Variants in CPA5 observed in about 807,000 individuals in gnomAD.
The protein encoded by CPA5 is testicular tissue protein Li 32.
CPA5 carries 38 observed loss-of-function variants against 52.2 expected under a neutral mutation model. The ratio of observed to expected loss-of-function variants is 0.73; its 90% CI spans 0.56 to 0.95. The LOEUF (loss-of-function observed/expected upper bound fraction) is 0.95. Ranked by LOEUF, CPA5 falls within the 40% of genes least tolerant of loss-of-function variation. The pLI, the probability that CPA5 is intolerant of heterozygous loss-of-function variation, is 0.00. For missense variants in CPA5, 519 were observed against 566.7 expected, an observed-to-expected ratio of 0.92 and a Z score of 0.86; for synonymous variants, 198 against 213.7, an observed-to-expected ratio of 0.93 and a Z score of 0.64.
chr7:130,366,545 C>T (rs1796097452), intron 10 of CPA5, among the ~76,000 whole-genome samples: 1 of 152,202 alleles, frequency 6.6e-6, no homozygotes, highest in South Asian at 2.1e-4. Context: ...AAGCCCTGCT[C>T]CTCTTTGTTC....
downstream of CPA5, among the ~76,000 whole-genome samples, chr7:130,372,780 G>T (rs1554410066): frequency 6.6e-6 from 1 of 152,202 alleles, no homozygotes; most frequent in African/African-American, 2.4e-5. Context: ...AGGGAAGAAC[G>T]GATATTTGGA....
At chr7:130,355,445 C>T (rs558936043) in intron 5 of CPA5, among the ~76,000 whole-genome samples, 9 of 152,168 alleles carry the variant, frequency 5.9e-5, no homozygotes, top group Admixed American at 3.9e-4. Flanking sequence ...CTTGCTCTGT[C>T]GCCCAGGCTG....
intron 5 of CPA5, among the ~76,000 whole-genome samples, chr7:130,354,498 A>T (rs887309674): frequency 1.3e-5 from 2 of 151,994 alleles, no homozygotes; most frequent in South Asian, 4.2e-4. Flanking sequence ...GGCTCAAGCA[A>T]TTCTCATGCC....
In CPA5 at chr7:130,368,010, C is replaced by T; in HGVS notation, c.1123+20C>T. 3 of 1,607,908 alleles carry T rather than the reference C, an allele frequency of 1.9e-6. No individual in the cohort carries two copies. The highest frequency in any genetic ancestry group is 2.2e-5 in the South Asian group (2 of 90,974). ...CCCTCTGTGAGTGAGCCTCCCCTGG[C>T]CCTGCTTCAGACACCACATCTACCT... On this transcript the variant is annotated intron_variant, in intron 12 of 12. Coordinates refer to ENST00000474905, the MANE Select transcript of CPA5 (RefSeq NM_080385.5).
chr7:130,362,228 T>C (rs888117518), intron 7 of CPA5, among the ~76,000 whole-genome samples: 2 of 152,198 alleles, frequency 1.3e-5, no homozygotes. Flanking sequence ...TGGATCACTT[T>C]GCTCGCCAAT....
At chr7:130,362,326 C>T (rs769081135) in intron 7 of CPA5, 112 bp from the exon 8 acceptor site, 7 of 678,652 alleles carry the variant, frequency 1.0e-5, no homozygotes, top group Non-Finnish European at 1.8e-5. Flanking sequence ...TTACCCAGTG[C>T]TTAAAGCTGC....
intron 10 of CPA5, among the ~76,000 whole-genome samples, 174 bp from the exon 11 acceptor site, chr7:130,367,198 C>T (rs572507392): frequency 6.6e-6 from 1 of 152,208 alleles, no homozygotes; most frequent in East Asian, 1.9e-4. Flanking sequence ...CAATCTCAAC[C>T]CAGAAGTGCC....
At position 130,362,508 on chromosome 7, in the gene CPA5, C is replaced by T. The variant is rs1554406998; in HGVS notation, c.605C>T (p.Thr202Ile). 2 of 1,613,586 alleles carry T rather than the reference C, an allele frequency of 1.2e-6. No homozygotes were observed. Among genetic ancestry groups the T allele is most frequent in the Non-Finnish European group, 8.5e-7 (1 of 1,179,584 alleles). ...DTGIHSREWI[T>I]HATGIWTANK... ...GGAATTCACTCCCGGGAGTGGATCA[C>T]CCATGCCACCGGCATCTGGACTGCC... Residue 202 changes from threonine to isoleucine, a missense_variant, in exon 8 of 13, where the codon ACC becomes ATC. Coordinates refer to ENST00000474905, the MANE Select transcript of CPA5 (RefSeq NM_080385.5).
chr7:130,361,799 G>A (rs1554406719), intron 7 of CPA5, among the ~76,000 whole-genome samples: 1 of 152,196 alleles, frequency 6.6e-6, no homozygotes, highest in East Asian at 1.9e-4. Context: ...TTCTTAGTTT[G>A]CGCCCAAAAG....
At chr7:130,352,351 C>T (rs577769309) in intron 5 of CPA5, among the ~76,000 whole-genome samples, 2 of 146,040 alleles carry the variant, frequency 1.4e-5, no homozygotes, top group South Asian at 2.2e-4. Context: ...TGGAGGGTCG[C>T]GGGGGCCGGG....
At chr7:130,368,318 A>G (rs2302823) in intron 12 of CPA5, 92 bp from the exon 13 acceptor site, 427,490 of 1,317,554 alleles carry the variant, frequency 0.32, 71,180 homozygotes, top group Admixed American at 0.49. Flanking sequence ...TTTGGCTCCC[A>G]GGGCTCACTT....
chr7:130,359,684 G>C lies in CPA5; in HGVS notation c.429G>C (p.Glu143Asp). The C allele has an allele frequency of 6.3e-7, 1 of 1,580,416 alleles. No individual in the cohort carries two copies. Among genetic ancestry groups the C allele is most frequent in the Non-Finnish European group, 8.6e-7 (1 of 1,162,766 alleles). ...SFSYSSYHTL[E>D]EIYSWIDNFV... ...GTTACTCATCATACCACACCCTGGA[G>C]GAGGTAGGTCTGGCCGGGCAAGCTC... Residue 143 changes from glutamate to aspartate, a missense_variant, in exon 6 of 13, where the codon GAG becomes GAC. Coordinates refer to ENST00000474905, the MANE Select transcript of CPA5 (RefSeq NM_080385.5).
At chr7:130,360,717 C>T (rs1795745713) in intron 6 of CPA5, among the ~76,000 whole-genome samples, 1 of 152,204 alleles carries the variant, frequency 6.6e-6, no homozygotes, top group Non-Finnish European at 1.5e-5. Flanking sequence ...ACCCTGCCTT[C>T]AAGGGGCTTA....
chr7:130,362,380 C>A, intron 7 of CPA5, 58 bp from the exon 8 acceptor site: 1 of 1,306,376 alleles, frequency 7.7e-7, no homozygotes, highest in Non-Finnish European at 1.1e-6. Context: ...CCAGGTAGCC[C>A]AGAGACAGTA....
chr7:130,363,847 CTTG>C (rs1332422815), intron 10 of CPA5, among the ~76,000 whole-genome samples: 1 of 152,140 alleles, frequency 6.6e-6, no homozygotes, highest in African/African-American at 2.4e-5. Flanking sequence ...AGTAGCCTTG[CTTG>C]TTGTTCAAAA....
chr7:130,358,019 C>T (rs1795585312), intron 5 of CPA5, among the ~76,000 whole-genome samples: 1 of 150,458 alleles, frequency 6.6e-6, no homozygotes, highest in Non-Finnish European at 1.5e-5. Flanking sequence ...CACTCTGTTG[C>T]CCAGCCTGGA....
intron 4 of CPA5, among the ~76,000 whole-genome samples, chr7:130,348,496 A>G (rs1424258803): frequency 1.3e-5 from 2 of 152,144 alleles, no homozygotes; most frequent in Non-Finnish European, 1.5e-5. Flanking sequence ...CTAATTGAAA[A>G]ATAGGCATCG....
At chr7:130,346,236 A>G (rs562728714) in intron 2 of CPA5, among the ~76,000 whole-genome samples, 157 bp from the exon 3 acceptor site, 1 of 126,050 alleles carries the variant, frequency 7.9e-6, no homozygotes, top group Non-Finnish European at 1.8e-5. Flanking sequence ...CCTGAGAGAA[A>G]AGAAAAGCTA....
intron 5 of CPA5, among the ~76,000 whole-genome samples, chr7:130,355,728 G>C (rs6956529): frequency 0.49 from 74,618 of 152,030 alleles, 18,572 homozygotes; most frequent in Admixed American, 0.55. Context: ...ACATTTTAAA[G>C]TATGTGATAA....
Sources: allele counts gnomAD v4.1 joint callset (sites outside exome capture counted in the v4.1 genomes callset), GRCh38; gene constraint gnomAD v4.1.1; transcripts MANE v1.5; gene names NCBI Gene and HGNC (gene_info 2026-07-23, HGNC 2026-07-21).